The following FOXE1 variants were observed in gnomAD, a reference collection of about 807,000 sequenced individuals.
The protein encoded by FOXE1 is forkhead box protein E1.
Under a neutral mutation model 2.1 loss-of-function variants are expected in FOXE1, and 4 were observed. The ratio of observed to expected loss-of-function variants is 1.91; its 90% CI spans 0.94 to 4.37. The LOEUF (loss-of-function observed/expected upper bound fraction) is 4.37, where lower values mean the gene tolerates loss of function less well. Among genes scored for constraint, FOXE1 ranks in the 30% most tolerant of loss-of-function variants. The pLI, the probability that FOXE1 is intolerant of heterozygous loss-of-function variation, is 0.01. For synonymous variants in FOXE1, 277 were observed against 272.4 expected, an observed-to-expected ratio of 1.02 and a Z score of -0.17; for missense variants, 574 against 583.3, an observed-to-expected ratio of 0.98 and a Z score of 0.16.
At position 97,855,196 on chromosome 9, in the gene FOXE1, C is replaced by A; in HGVS notation, c.*160C>A. 2.1e-6 allele frequency: 2 copies of A among 937,334 alleles called. No individual in the cohort carries two copies. The highest frequency in any genetic ancestry group is 3.4e-6 in the Non-Finnish European group (2 of 593,818). 58.1% of individuals were successfully genotyped at this position (937,334 alleles called of 1,614,324 possible). ...TCTCCCCGCGCACAGCGTAGGCACC[C>A]GGTGTACTCTGTAAACGGGAGGAGG... On this transcript the variant is annotated 3_prime_UTR_variant, in exon 1 of 1. Coordinates refer to ENST00000375123, the MANE Select transcript of FOXE1 (RefSeq NM_004473.4).
Position 97,855,120 on chromosome 9 carries a change from G to T in FOXE1, c.*84G>T. 2 of 1,523,282 alleles carry T rather than the reference G, an allele frequency of 1.3e-6. No individual in the cohort carries two copies. The highest frequency in any genetic ancestry group is 1.8e-6 in the Non-Finnish European group (2 of 1,115,914). 94.4% of individuals were successfully genotyped at this position (1,523,282 alleles called of 1,614,324 possible). On this transcript the variant is annotated 3_prime_UTR_variant, in exon 1 of 1. Transcript: ENST00000375123. ...TGAGAACGAACAGGAATGGAGAGAG[G>T]ACTCAACTGGGACCCACGTGGAAAA...
rs1830642538 is a variant in FOXE1 at position 97,854,675 on chromosome 9, C to T, written c.761C>T (p.Ala254Val). ...GGSCAFASAG[A>V]PATTTGYQPA... ...TCTTGCGCCTTTGCCTCCGCCGGCG[C>T]CCCCGCTACCACCACCGGCTACCAG... is the stretch of plus-strand genomic sequence containing the variant. The change falls in exon 1 of 1, where the codon GCC (alanine) becomes GTC (valine). Residue 254 changes from alanine to valine, a missense_variant. Ala to Val is a moderately conservative substitution (Grantham distance 64). This residue lies in a region of FOXE1 where 316 missense variants were observed against 288.4 expected (regional missense o/e 1.10). Transcript: ENST00000375123. The T allele has an allele frequency of 2.1e-6, 3 of 1,407,244 alleles. No individual in the cohort carries two copies. The highest frequency in any genetic ancestry group is 3.0e-5 in the East Asian group (1 of 33,218). 87.2% of individuals were successfully genotyped at this position (1,407,244 alleles called of 1,614,324 possible). A position where few individuals can be genotyped will look rare whatever the true frequency, so the allele number is the denominator to read the frequency against.
Position 97,855,082 on chromosome 9 carries a change from G to A in FOXE1, c.*46G>A. Reference sequence around the variant, plus strand: ...TCATAGACACATCGGCTGTTCACACGTTCCCCGCAATCTGAGAACGAACAG... The same window carrying A: ...TCATAGACACATCGGCTGTTCACACATTCCCCGCAATCTGAGAACGAACAG... On this transcript the variant is annotated 3_prime_UTR_variant, in exon 1 of 1. Coordinates refer to ENST00000375123, the MANE Select transcript of FOXE1 (RefSeq NM_004473.4). The A allele has an allele frequency of 2.5e-6, 4 of 1,605,534 alleles. No individual in the cohort carries two copies. The highest frequency in any genetic ancestry group is 2.2e-5 in the East Asian group (1 of 44,606).
chr9:97,856,683 C>G lies in FOXE1; in HGVS notation c.*1647C>G, dbSNP rs1830674301. The stretch of plus-strand genomic sequence containing the variant: ...AGCCACATATGTAATTTTAAATATT[C>G]TAGTAGCCACATTAATAAAGTAAAA... On this transcript the variant is annotated 3_prime_UTR_variant, in exon 1 of 1. Coordinates refer to ENST00000375123, the MANE Select transcript of FOXE1 (RefSeq NM_004473.4). 1 of 166,522 alleles carries G rather than the reference C, an allele frequency of 6.0e-6. No homozygotes were observed. The highest frequency in any genetic ancestry group is 2.4e-5 in the African/African-American group (1 of 41,416). The allele number at this position is 166,522 out of a possible 1,614,324, so 10.3% of individuals were successfully genotyped here.
In FOXE1 at chr9:97,854,554, C is replaced by T. The variant is rs953725958; in HGVS notation, c.640C>T (p.Pro214Ser). Residue 214 changes from proline (P) to serine (S), a missense_variant, in exon 1 of 1, where the codon CCC (proline) becomes TCC (serine). This residue lies in a region of FOXE1 where 316 missense variants were observed against 288.4 expected (regional missense o/e 1.10). Transcript: ENST00000375123. ...GGCCGCGCCGCCTCCAGTCTACTAC[C>T]CCGCGGCGTCGCCCGGCCCTTGCCG... ...SLAAPPPVYY[P>S]AASPGPCRVF... 17 of 1,307,528 alleles carry T rather than the reference C, an allele frequency of 1.3e-5. No individual in the cohort carries two copies. The highest frequency in any genetic ancestry group is 1.6e-5 in the African/African-American group (1 of 64,330). The allele number at this position is 1,307,528 out of a possible 1,614,324, so 81.0% of individuals were successfully genotyped here. A position where few individuals can be genotyped will look rare whatever the true frequency, so the allele number is the denominator to read the frequency against.
rs1278397006 is a variant in FOXE1 at position 97,854,508 on chromosome 9, A to C, written c.594A>C (p.Ala198=). The C allele has an allele frequency of 4.8e-6, 6 of 1,241,068 alleles. No homozygotes were observed. The highest frequency in any genetic ancestry group is 4.0e-6 in the Non-Finnish European group (4 of 996,482). 76.9% of individuals were successfully genotyped at this position (1,241,068 alleles called of 1,614,324 possible). The change falls in exon 1 of 1, where the codon GCA becomes GCC. Residue 198 remains alanine (A), a synonymous_variant. Transcript: ENST00000375123. ...ARPPYPGAVY[A]GYAPPSLAAP... is the part of the protein sequence containing the mutation. The stretch of plus-strand genomic sequence containing the variant: ...CCCCCTACCCGGGCGCCGTCTATGC[A>C]GGCTACGCGCCGCCGTCGCTGGCCG...
chr9:97,854,412 TGCCGCAGCCGCCGCC>T lies in FOXE1; in HGVS notation c.504_518del (p.Ala175_Ala179del), dbSNP rs774004748. 30 of 1,192,256 alleles carry T rather than the reference TGCCGCAGCCGCCGCC, an allele frequency of 2.5e-5. No homozygotes were observed. Among genetic ancestry groups the T allele is most frequent in the Middle Eastern group, 3.2e-4 (1 of 3,168 alleles). The allele number at this position is 1,192,256 out of a possible 1,614,324, so 73.9% of individuals were successfully genotyped here. A position where few individuals can be genotyped will look rare whatever the true frequency, so the allele number is the denominator to read the frequency against. ...CGGCTTACATGCACGACGCGGCGGCTGCCGCAGCCGCCGCCGCCGCCGCCGCCGCCGCCGCCGCCA... is the reference window on the plus strand; with the variant it reads ...CGGCTTACATGCACGACGCGGCGGCTGCCGCCGCCGCCGCCGCCGCCGCCA... On this transcript the variant is annotated inframe_deletion, in exon 1 of 1. Transcript: ENST00000375123.
Position 97,854,197 on chromosome 9 carries a change from A to C in FOXE1, c.283A>C (p.Lys95Gln), listed in dbSNP as rs578111309. ...CTTCCCCTTCTACCGCGACAACCCC[A>C]AAAAGTGGCAGAACAGCATCCGCCA... ...ERFPFYRDNP[K>Q]KWQNSIRHNL... Residue 95 changes from lysine (K) to glutamine (Q), a missense_variant, in exon 1 of 1, where the codon AAA (lysine) becomes CAA (glutamine). Lys to Gln is a moderately conservative substitution (Grantham distance 53). Transcript: ENST00000375123. 18 of 1,612,986 alleles carry C rather than the reference A, an allele frequency of 1.1e-5. No individual in the cohort carries two copies. The East Asian group carries it at 3.3e-4, about 30-fold the overall frequency.
Position 97,855,240 on chromosome 9 carries a change from G to T in FOXE1, c.*204G>T. On this transcript the variant is annotated 3_prime_UTR_variant, in exon 1 of 1. Transcript: ENST00000375123. ...GAGGAGGTGGGGCGAGGCAGCCAGA[G>T]CCCTTGGACTGGCACAGGGACCCTC... 2.9e-6 allele frequency: 2 copies of T among 689,208 alleles called. 1 individual carries two copies. The highest frequency in any genetic ancestry group is 3.5e-5 in the South Asian group (2 of 57,898). The allele number at this position is 689,208 out of a possible 1,614,324, so 42.7% of individuals were successfully genotyped here.
In FOXE1 at chr9:97,855,126, A is replaced by C; in HGVS notation, c.*90A>C. 2.7e-6 allele frequency: 4 copies of C among 1,493,240 alleles called. No individual in the cohort carries two copies. Among genetic ancestry groups the C allele is most frequent in the Non-Finnish European group, 3.7e-6 (4 of 1,090,610 alleles). 92.5% of individuals were successfully genotyped at this position (1,493,240 alleles called of 1,614,324 possible). A position where few individuals can be genotyped will look rare whatever the true frequency, so the allele number is the denominator to read the frequency against. On this transcript the variant is annotated 3_prime_UTR_variant, in exon 1 of 1. Coordinates refer to ENST00000375123, the MANE Select transcript of FOXE1 (RefSeq NM_004473.4). Reference sequence around the variant, plus strand: ...CGAACAGGAATGGAGAGAGGACTCAACTGGGACCCACGTGGAAAAGACCGA... The same window carrying C: ...CGAACAGGAATGGAGAGAGGACTCACCTGGGACCCACGTGGAAAAGACCGA...
At position 97,854,059 on chromosome 9, in the gene FOXE1, C is replaced by T; in HGVS notation, c.145C>T (p.Leu49=). The change falls in exon 1 of 1, where the codon CTG becomes TTG. Residue 49 remains leucine, a synonymous_variant. Transcript: ENST00000375123. ...GGGCGGGCGGCGCCGCAAGCGCCCC[C>T]TGCAGCGCGGGAAGCCGCCCTACAG... ...GAGGRRRKRP[L]QRGKPPYSYI... 6.5e-7 allele frequency: 1 copy of T among 1,543,194 alleles called. No homozygotes were observed. Among genetic ancestry groups the T allele is most frequent in the Non-Finnish European group, 8.7e-7 (1 of 1,145,934 alleles).
rs1830638450 is a variant in FOXE1, at chr9:97,854,473, G to A, written c.559G>A (p.Ala187Thr). Residue 187 changes from alanine (A) to threonine (T), a missense_variant, in exon 1 of 1, where the codon GCC becomes ACC. By Grantham distance (58) the Ala-to-Thr change is moderately conservative. This residue lies in a region of FOXE1 where 9 missense variants were observed against 25.3 expected (regional missense o/e 0.36). Transcript: ENST00000375123. ...CGCCATCTTCCCAGGCGCGGTGCCC[G>A]CCGCGCGCCCCCCCTACCCGGGCGC... is the stretch of plus-strand genomic sequence containing the variant. ...AAAIFPGAVP[A>T]ARPPYPGAVY... 2 of 1,230,912 alleles carry A rather than the reference G, an allele frequency of 1.6e-6. No individual in the cohort carries two copies. Among genetic ancestry groups the A allele is most frequent in the Non-Finnish European group, 1.0e-6 (1 of 989,368 alleles). 76.2% of individuals were successfully genotyped at this position (1,230,912 alleles called of 1,614,324 possible). A position where few individuals can be genotyped will look rare whatever the true frequency, so the allele number is the denominator to read the frequency against.
chr9:97,854,687 C>A lies in FOXE1; in HGVS notation c.773C>A (p.Thr258Asn), dbSNP rs1382559658. The change falls in exon 1 of 1, where the codon ACC (threonine) becomes AAC (asparagine). Residue 258 changes from threonine to asparagine, a missense_variant. Thr to Asn is a moderately conservative substitution (Grantham distance 65). Coordinates refer to ENST00000375123, the MANE Select transcript of FOXE1 (RefSeq NM_004473.4). ...AFASAGAPAT[T>N]TGYQPAGCTG... ...GCCTCCGCCGGCGCCCCCGCTACCA[C>A]CACCGGCTACCAGCCCGCAGGCTGC... The A allele has an allele frequency of 2.8e-6, 4 of 1,412,894 alleles. No individual in the cohort carries two copies. The highest frequency in any genetic ancestry group is 3.7e-6 in the Non-Finnish European group (4 of 1,093,090). The allele number at this position is 1,412,894 out of a possible 1,614,324, so 87.5% of individuals were successfully genotyped here.
At position 97,854,933 on chromosome 9, in the gene FOXE1, A is replaced by G. The variant is rs965908826; in HGVS notation, c.1019A>G (p.Tyr340Cys). Residue 340 changes from tyrosine to cysteine, a missense_variant, in exon 1 of 1, where the codon TAC (tyrosine) becomes TGC (cysteine). Around this residue, in one of 3 missense-constraint regions of FOXE1, gnomAD observed 316 missense variants for 288.4 expected, o/e 1.10. Transcript: ENST00000375123. ...PGQFGALGAC[Y>C]NPGGQLGGAS... is the part of the protein sequence containing the mutation. ...CAGTTCGGAGCGCTGGGAGCCTGCT[A>G]CAACCCTGGCGGGCAGCTCGGAGGG... 46 of 1,601,416 alleles carry G rather than the reference A, an allele frequency of 2.9e-5. No homozygotes were observed. The highest frequency in any genetic ancestry group is 8.3e-5 in the Admixed American group (5 of 59,982).
rs1313569528 is a variant in FOXE1, at chr9:97,854,723, G to A, written c.809G>A (p.Arg270Gln). Residue 270 changes from arginine to glutamine, a missense_variant, in exon 1 of 1, where the codon CGG (arginine) becomes CAG (glutamine). Physicochemically the swap from Arg to Gln is conservative, Grantham distance 43. Coordinates refer to ENST00000375123, the MANE Select transcript of FOXE1 (RefSeq NM_004473.4). Reference protein sequence around the residue: ...GYQPAGCTGARPANPSAYAAA... With the variant: ...GYQPAGCTGAQPANPSAYAAA... ...CAGCCCGCAGGCTGCACCGGGGCCC[G>A]GCCGGCCAACCCCTCCGCCTATGCG... 5.0e-6 allele frequency: 7 copies of A among 1,412,628 alleles called. No homozygotes were observed. The highest frequency in any genetic ancestry group is 6.4e-6 in the Non-Finnish European group (7 of 1,095,324). The allele number at this position is 1,412,628 out of a possible 1,614,324, so 87.5% of individuals were successfully genotyped here. A position where few individuals can be genotyped will look rare whatever the true frequency, so the allele number is the denominator to read the frequency against.
Position 97,854,171 on chromosome 9 carries a change from G to A in FOXE1, c.257G>A (p.Arg86His). The A allele has an allele frequency of 1.9e-6, 3 of 1,612,912 alleles. No individual in the cohort carries two copies. The highest frequency in any genetic ancestry group is 1.7e-6 in the Non-Finnish European group (2 of 1,179,700). Residue 86 changes from arginine (R) to histidine (H), a missense_variant, in exon 1 of 1, where the codon CGC (arginine) becomes CAC (histidine). By Grantham distance (29) the Arg-to-His change is conservative. Around this residue, in one of 3 missense-constraint regions of FOXE1, gnomAD observed 249 missense variants for 269.6 expected, o/e 0.92. Coordinates refer to ENST00000375123, the MANE Select transcript of FOXE1 (RefSeq NM_004473.4). ...GGCATCTACAAGTTCATCACCGAGC[G>A]CTTCCCCTTCTACCGCGACAACCCC... ...LGGIYKFITE[R>H]FPFYRDNPKK...
chr9:97,855,409 C>A lies in FOXE1; in HGVS notation c.*373C>A. ...TCAGTTTCAGCCTTCCATGTGCTGC[C>A]GGAACTCGGGCCTTTTTACGCGGTT... On this transcript the variant is annotated 3_prime_UTR_variant, in exon 1 of 1. Coordinates refer to ENST00000375123, the MANE Select transcript of FOXE1 (RefSeq NM_004473.4). 2.9e-6 allele frequency: 1 copy of A among 340,044 alleles called. No homozygotes were observed. Among genetic ancestry groups the A allele is most frequent in the South Asian group, 4.2e-5 (1 of 23,988 alleles). 21.1% of individuals were successfully genotyped at this position (340,044 alleles called of 1,614,324 possible).
Position 97,855,166 on chromosome 9 carries a change from C to T in FOXE1, c.*130C>T. On this transcript the variant is annotated 3_prime_UTR_variant, in exon 1 of 1. Transcript: ENST00000375123. ...GAAAAGACCGAGCAGGCCACAGAGG[C>T]TCGGTCTCCCCGCGCACAGCGTAGG... The T allele has an allele frequency of 1.7e-6, 2 of 1,194,756 alleles. No homozygotes were observed. The highest frequency in any genetic ancestry group is 2.6e-5 in the South Asian group (2 of 76,548). 74.0% of individuals were successfully genotyped at this position (1,194,756 alleles called of 1,614,324 possible).
In FOXE1 at chr9:97,854,422, G is replaced by GCCC; in HGVS notation, c.510_511insCCC (p.Ala170_Ala171insPro). 10 of 153,820 alleles carry GCCC rather than the reference G, an allele frequency of 6.5e-5. No individual in the cohort carries two copies. The highest frequency in any genetic ancestry group is 7.5e-5 in the Non-Finnish European group (10 of 133,566). 9.5% of individuals were successfully genotyped at this position (153,820 alleles called of 1,614,324 possible). Reference sequence around the variant, plus strand: ...GCACGACGCGGCGGCTGCCGCAGCCGCCGCCGCCGCCGCCGCCGCCGCCGC... The same window carrying GCCC: ...GCACGACGCGGCGGCTGCCGCAGCCGCCCCCGCCGCCGCCGCCGCCGCCGCCGC... On this transcript the variant is annotated inframe_insertion, in exon 1 of 1. Transcript: ENST00000375123.
Sources: gnomAD v4.1 joint callset for allele counts on GRCh38, gnomAD v4.1.1 for gene constraint, gnomAD v4.1.1 regional missense constraint, MANE v1.5 for transcripts, NCBI Gene and HGNC (gene_info 2026-07-23, HGNC 2026-07-21) for gene names.